Variants in ZNF608 observed in about 807,000 individuals in gnomAD.
The protein encoded by ZNF608 is zinc finger protein 608.
In ZNF608, 12 loss-of-function variants were observed where a neutral mutation model predicts 109.0. That is an observed-to-expected ratio of 0.11 (90% confidence interval 0.07 to 0.18). The LOEUF is 0.18. Among genes scored for constraint, ZNF608 ranks in the 10% least tolerant of loss-of-function variants. The probability of loss-of-function intolerance (pLI) is 1.00; values close to 1 mark genes in which losing one functional copy is unlikely to be tolerated. For missense variants in ZNF608, 1,707 were observed against 1,879.3 expected, an observed-to-expected ratio of 0.91 and a Z score of 1.70; for synonymous variants, 732 against 717.4, an observed-to-expected ratio of 1.02 and a Z score of -0.33.
chr5:124,670,441 G>C (rs969353020), intron 3 of ZNF608, among the ~76,000 whole-genome samples: 10 of 151,526 alleles, frequency 6.6e-5, no homozygotes, highest in Admixed American at 3.9e-4. Context: ...TATTTTACCA[G>C]AAGTCAAATA....
In ZNF608 at chr5:124,657,235, C is replaced by T. The variant is rs148401950; in HGVS notation, c.1163-7538G>A. ...AGGCACCACCGGTAACACTAAGATG[C>T]TGTCCCATATGTTCACGTGGGAGGC... is the stretch of plus-strand genomic sequence containing the variant. On this transcript the variant is annotated intron_variant, in intron 3 of 9. Transcript: ENST00000513986. Among the ~76,000 whole-genome samples, 7 of 152,296 alleles carry T rather than the reference C, an allele frequency of 4.6e-5. No individual in the cohort carries two copies. In the East Asian group the frequency reaches 1.3e-3, roughly 29 times the overall value.
intron 3 of ZNF608, chr5:124,666,438 A>C (rs1161441397): frequency 6.6e-6 from 1 of 152,188 alleles, no homozygotes; most frequent in Non-Finnish European, 1.5e-5. Flanking sequence ...CTAAAAGATA[A>C]TTTTCTTTCC....
chr5:124,742,991 A>G (rs1280542957), intron 2 of ZNF608, among the ~76,000 whole-genome samples: 3 of 152,258 alleles, frequency 2.0e-5, no homozygotes, highest in Admixed American at 2.0e-4. Flanking sequence ...GATTAATTTC[A>G]TAGAAATATC....
upstream of ZNF608, among the ~76,000 whole-genome samples, chr5:124,747,641 C>A (rs1749686356): frequency 6.6e-6 from 1 of 151,342 alleles, no homozygotes; most frequent in Admixed American, 6.6e-5. Context: ...CCTCCCCCCG[C>A]CCCCCCGCAG....
Position 124,637,758 on chromosome 5 carries a change from TAAAATCTGTAATTTACA to T in ZNF608, c.*125_*141del. On this transcript the variant is annotated 3_prime_UTR_variant, in exon 10 of 10. Coordinates refer to ENST00000513986, the MANE Select transcript of ZNF608 (RefSeq NM_020747.3). ...TACAGCAACATTTGTTACTCTGTGATAAAATCTGTAATTTACAAAAATGAAATGACTGGTTTTTGCCT... is the reference window on the plus strand; with the variant it reads ...TACAGCAACATTTGTTACTCTGTGATAAAATGAAATGACTGGTTTTTGCCT... The T allele has an allele frequency of 1.4e-6, 1 of 730,752 alleles. No individual in the cohort carries two copies. Among genetic ancestry groups the T allele is most frequent in the Non-Finnish European group, 2.2e-6 (1 of 452,212 alleles). The allele number at this position is 730,752 out of a possible 1,614,324, so 45.3% of individuals were successfully genotyped here.
rs187816188 is a variant in ZNF608, at chr5:124,662,976, T to C, written c.1163-13279A>G. Among the ~76,000 whole-genome samples the C allele has an allele frequency of 6.6e-4, 100 of 152,316 alleles. 1 individual carries two copies. Among genetic ancestry groups the C allele is most frequent in the African/African-American group, 2.1e-3 (87 of 41,554 alleles). ...CTGGAACAATAAATAAATTTTTTCA[T>C]GGCAAATATCTGTGGGGATTAGTAT... On this transcript the variant is annotated intron_variant, in intron 3 of 9. Transcript: ENST00000513986.
intron 2 of ZNF608, among the ~76,000 whole-genome samples, chr5:124,729,794 C>A (rs186996074): frequency 6.2e-4 from 95 of 152,296 alleles, no homozygotes; most frequent in African/African-American, 2.3e-3. Flanking sequence ...TACAATTAAA[C>A]CTAACCATCT....
At chr5:124,695,182 GT>G (rs1752798408) in intron 3 of ZNF608, among the ~76,000 whole-genome samples, 1 of 152,108 alleles carries the variant, frequency 6.6e-6, no homozygotes, top group Non-Finnish European at 1.5e-5. Flanking sequence ...TTGGATAGGG[GT>G]AACGAAATAC....
intron 3 of ZNF608, among the ~76,000 whole-genome samples, chr5:124,661,502 C>T (rs963819574): frequency 2.0e-5 from 3 of 149,824 alleles, no homozygotes; most frequent in African/African-American, 4.9e-5. Flanking sequence ...AAAAAAGCCC[C>T]ACAGAGTTAC....
rs748149985 is a variant in ZNF608 at position 124,648,810 on chromosome 5, G to C, written c.1574C>G (p.Thr525Arg). ...GGTAGTGGGAGTGCTTCTGGAATTTGTGCGGACACGCTTTCCAGGCTTATT... is the reference window on the plus strand; with the variant it reads ...GGTAGTGGGAGTGCTTCTGGAATTTCTGCGGACACGCTTTCCAGGCTTATT... ...EDNKPGKRVR[T>R]NSRSTPTTPQ... Residue 525 changes from threonine to arginine, a missense_variant, in exon 5 of 10, where the codon ACA becomes AGA. Thr to Arg is a moderately conservative substitution (Grantham distance 71, BLOSUM62 -1). Coordinates refer to ENST00000513986, the MANE Select transcript of ZNF608 (RefSeq NM_020747.3). The C allele has an allele frequency of 6.2e-7, 1 of 1,614,240 alleles. No individual in the cohort carries two copies. Among genetic ancestry groups the C allele is most frequent in the Non-Finnish European group, 8.5e-7 (1 of 1,180,034 alleles).
chr5:124,731,773 C>T (rs1438040403), intron 2 of ZNF608, among the ~76,000 whole-genome samples: 1 of 152,024 alleles, frequency 6.6e-6, no homozygotes, highest in Admixed American at 6.5e-5. Flanking sequence ...TTGCAGCGAG[C>T]CGAGATCGTG....
intron 3 of ZNF608, among the ~76,000 whole-genome samples, chr5:124,696,272 G>A (rs1156356794): frequency 1.3e-5 from 2 of 152,008 alleles, no homozygotes; most frequent in African/African-American, 4.8e-5. Context: ...CCCAAAATCA[G>A]TTTCCTTCCT....
chr5:124,692,460 T>C (rs1410093349), intron 3 of ZNF608, among the ~76,000 whole-genome samples: 2 of 152,234 alleles, frequency 1.3e-5, no homozygotes, highest in African/African-American at 2.4e-5. Context: ...GGGCTGAAAA[T>C]GATGGTTTGT....
At chr5:124,663,064 CT>C (rs1322167303) in intron 3 of ZNF608, among the ~76,000 whole-genome samples, 1 of 152,174 alleles carries the variant, frequency 6.6e-6, no homozygotes, top group African/African-American at 2.4e-5. Context: ...TTCTGATGTC[CT>C]TTGCTTAAAA....
chr5:124,740,210 A>G (rs943131373), intron 2 of ZNF608, among the ~76,000 whole-genome samples: 4 of 152,220 alleles, frequency 2.6e-5, no homozygotes, highest in Non-Finnish European at 4.4e-5. Flanking sequence ...GATGGGTCTG[A>G]TTACACAAAT....
intron 3 of ZNF608, among the ~76,000 whole-genome samples, chr5:124,695,158 T>A (rs1752797282): frequency 6.6e-6 from 1 of 152,104 alleles, no homozygotes. Flanking sequence ...TGCACTGTTA[T>A]AATCGCCACT....
intron 2 of ZNF608, among the ~76,000 whole-genome samples, chr5:124,738,379 T>A (rs1319406736): frequency 6.6e-6 from 1 of 152,258 alleles, no homozygotes; most frequent in Non-Finnish European, 1.5e-5. Flanking sequence ...AATTTAGGAA[T>A]AAAGTGTTTT....
chr5:124,652,602 T>C (rs1210256210), intron 3 of ZNF608, among the ~76,000 whole-genome samples: 1 of 152,238 alleles, frequency 6.6e-6, no homozygotes, highest in Non-Finnish European at 1.5e-5. Flanking sequence ...GCTTAAGGAA[T>C]GTTTCTCATA....
At position 124,701,136 on chromosome 5, in the gene ZNF608, G is replaced by T; in HGVS notation, c.1040C>A (p.Thr347Asn). The T allele has an allele frequency of 6.2e-7, 1 of 1,614,124 alleles. No homozygotes were observed. Among genetic ancestry groups the T allele is most frequent in the Non-Finnish European group, 8.5e-7 (1 of 1,180,014 alleles). ...ACATGTATTGACACCCACAGAACGA[G>T]TCCGAACCAAAAGCTGTTCAACCGG... ...AAPVEQLLVR[T>N]RSVGVNTCEV... Residue 347 changes from threonine (T) to asparagine (N), a missense_variant, in exon 3 of 10, where the codon ACT (threonine) becomes AAT (asparagine). Physicochemically the swap from Thr to Asn is moderately conservative, Grantham distance 65. This residue lies in a region of ZNF608 where 407 missense variants were observed against 398.7 expected (regional missense o/e 1.02). Transcript: ENST00000513986.
Sources: gnomAD v4.1 joint callset for allele counts (sites outside exome capture counted in the v4.1 genomes callset) on GRCh38, gnomAD v4.1.1 for gene constraint, gnomAD v4.1.1 regional missense constraint, MANE v1.5 for transcripts, NCBI Gene and HGNC (gene_info 2026-07-23, HGNC 2026-07-21) for gene names.